Variants in ROBO2 observed in about 807,000 individuals in gnomAD.
ROBO2 encodes the protein roundabout guidance receptor 2.
Under a neutral mutation model 160.8 loss-of-function variants are expected in ROBO2, and 53 were observed. The observed-to-expected ratio is 0.33, with a 90% CI of 0.26 to 0.41. The LOEUF (loss-of-function observed/expected upper bound fraction) is 0.41. Among genes scored for constraint, ROBO2 ranks in the 10% least tolerant of loss-of-function variants. ROBO2 has a pLI of 1.00. For missense variants in ROBO2, 1,577 were observed against 1,722.4 expected, an observed-to-expected ratio of 0.92 and a Z score of 1.49; for synonymous variants, 664 against 611.7, an observed-to-expected ratio of 1.09 and a Z score of -1.26.
At chr3:76,492,242 T>A (rs1449075470) in intron 2 of ROBO2, among the ~76,000 whole-genome samples, 1 of 152,234 alleles carries the variant, frequency 6.6e-6, no homozygotes, top group African/African-American at 2.4e-5. Flanking sequence ...GCTTTTAAAA[T>A]TACCTGTTTA....
rs117134022 is a variant in ROBO2 at position 76,908,575 on chromosome 3, A to T, written c.110-189439A>T. 3.0e-3 allele frequency among the ~76,000 whole-genome samples: 463 copies of T among 152,320 alleles called. 11 individuals carry two copies. The highest frequency in any genetic ancestry group is 0.02 in the East Asian group (103 of 5,178). The stretch of plus-strand genomic sequence containing the variant: ...CTTTTTTCCTGCAGCCCTTACACTC[A>T]AAACTTTGCATCAAGCAATTTACTT... On this transcript the variant is annotated intron_variant, in intron 2 of 26. Coordinates refer to the ROBO2 transcript ENST00000487694.
intron 2 of ROBO2, among the ~76,000 whole-genome samples, chr3:76,574,752 C>T (rs7641197): frequency 6.6e-6 from 1 of 151,800 alleles, no homozygotes; most frequent in African/African-American, 2.4e-5. Context: ...TGTGTAAACA[C>T]CTCACTGGGG....
At chr3:76,612,993 T>A (rs1578539013) in intron 2 of ROBO2, among the ~76,000 whole-genome samples, 2 of 152,188 alleles carry the variant, frequency 1.3e-5, no homozygotes, top group African/African-American at 2.4e-5. Context: ...GCATTTCTTG[T>A]AGGCAACAGA....
At chr3:76,640,927 T>C (rs1401825266) in intron 2 of ROBO2, among the ~76,000 whole-genome samples, 1 of 152,156 alleles carries the variant, frequency 6.6e-6, no homozygotes, top group Non-Finnish European at 1.5e-5. Flanking sequence ...GCAAAATGAA[T>C]ACTACTGCTG....
chr3:76,540,948 C>T (rs2082781500), intron 2 of ROBO2, among the ~76,000 whole-genome samples: 1 of 151,974 alleles, frequency 6.6e-6, no homozygotes, highest in Admixed American at 6.6e-5. Context: ...TACAGGCATG[C>T]ACCACCGCAT....
At chr3:76,142,994 C>T (rs987440325) in intron 2 of ROBO2, among the ~76,000 whole-genome samples, 12 of 151,532 alleles carry the variant, frequency 7.9e-5, no homozygotes, top group African/African-American at 1.2e-4. Flanking sequence ...TAAATTTTCA[C>T]GTCATTTATG....
intron 2 of ROBO2, among the ~76,000 whole-genome samples, chr3:75,973,571 A>G (rs1265212906): frequency 1.3e-5 from 2 of 151,682 alleles, no homozygotes; most frequent in African/African-American, 2.4e-5. Context: ...AAAAGTATAG[A>G]TAGACCCTGT....
intron 2 of ROBO2, among the ~76,000 whole-genome samples, chr3:76,166,967 CAG>C (rs2106960696): frequency 6.6e-6 from 1 of 152,170 alleles, no homozygotes; most frequent in Non-Finnish European, 1.5e-5. Flanking sequence ...GTTTTTAAGA[CAG>C]AGTCTCACTC....
intron 2 of ROBO2, among the ~76,000 whole-genome samples, chr3:77,419,284 C>A (rs1319011886): frequency 1.3e-5 from 2 of 151,960 alleles, no homozygotes; most frequent in Non-Finnish European, 2.9e-5. Flanking sequence ...TTAGCAATAA[C>A]CGTCATGTAT....
At chr3:76,740,189 C>T (rs1458356135) in intron 2 of ROBO2, among the ~76,000 whole-genome samples, 2 of 152,138 alleles carry the variant, frequency 1.3e-5, no homozygotes, top group African/African-American at 4.8e-5. Flanking sequence ...AAGGAGGATA[C>T]ACTTGTACAA....
intron 2 of ROBO2, among the ~76,000 whole-genome samples, chr3:76,148,206 A>G (rs2071993431): frequency 6.6e-6 from 1 of 152,006 alleles, no homozygotes; most frequent in African/African-American, 2.4e-5. Flanking sequence ...AAGGAATCCA[A>G]AAATATACTA....
intron 2 of ROBO2, among the ~76,000 whole-genome samples, chr3:76,896,028 G>C (rs907651334): frequency 2.7e-4 from 41 of 151,246 alleles, no homozygotes; most frequent in African/African-American, 9.3e-4. Context: ...CCCCACCCCG[G>C]GAGCTCAGTT....
At chr3:76,784,086 G>A (rs1388399268) in intron 2 of ROBO2, among the ~76,000 whole-genome samples, 3 of 150,834 alleles carry the variant, frequency 2.0e-5, no homozygotes, top group Non-Finnish European at 4.5e-5. Flanking sequence ...CAAATTTGTT[G>A]TCAGGAAATT....
intron 2 of ROBO2, among the ~76,000 whole-genome samples, chr3:75,994,352 A>G (rs2107528076): frequency 6.6e-6 from 1 of 152,318 alleles, no homozygotes; most frequent in South Asian, 2.1e-4. Context: ...GCGCCATCCA[A>G]ATGTCAACTT....
intron 2 of ROBO2, among the ~76,000 whole-genome samples, chr3:77,033,835 G>A (rs2063467600): frequency 6.6e-6 from 1 of 151,952 alleles, no homozygotes. Flanking sequence ...ATATATATTA[G>A]ATGAAGTGTA....
intron 2 of ROBO2, among the ~76,000 whole-genome samples, chr3:76,670,084 T>A (rs1352300521): frequency 6.6e-6 from 1 of 152,198 alleles, no homozygotes; most frequent in Non-Finnish European, 1.5e-5. Flanking sequence ...ATGAATTTTA[T>A]ATTGATTTGA....
At position 76,260,520 on chromosome 3, in the gene ROBO2, A is replaced by G. The variant is rs551796102; in HGVS notation, c.109+322918A>G. ...AGATCATTTTCATTTTCATTTCAAG[A>G]TCATTTCATTTGATCATATTTCAAG... On this transcript the variant is annotated intron_variant, in intron 2 of 26. Transcript: ENST00000487694. Among the ~76,000 whole-genome samples the G allele has an allele frequency of 2.0e-5, 3 of 152,224 alleles. No homozygotes were observed. In the East Asian group the frequency reaches 5.8e-4, roughly 29 times the overall value.
chr3:77,279,706 A>G (rs2060121280), intron 2 of ROBO2, among the ~76,000 whole-genome samples: 1 of 152,118 alleles, frequency 6.6e-6, no homozygotes, highest in Non-Finnish European at 1.5e-5. Context: ...ACAATATTAA[A>G]TACTTTCTAT....
intron 2 of ROBO2, among the ~76,000 whole-genome samples, chr3:77,402,238 A>G (rs892538921): frequency 1.3e-5 from 2 of 151,620 alleles, no homozygotes; most frequent in Non-Finnish European, 2.9e-5. Context: ...TTGAATAATG[A>G]TAACACATGG....
Sources: allele counts gnomAD v4.1 joint callset (sites outside exome capture counted in the v4.1 genomes callset), GRCh38; gene constraint gnomAD v4.1.1; transcripts MANE v1.5; gene names NCBI Gene and HGNC (gene_info 2026-07-23, HGNC 2026-07-21).